Variants in NPPB observed in about 807,000 individuals in gnomAD.
NPPB encodes the protein natriuretic peptides B.
In NPPB, 13 loss-of-function variants were observed where a neutral mutation model predicts 12.7. The observed-to-expected ratio is 1.03, with a 90% CI of 0.67 to 1.63. The LOEUF is 1.63. Among genes scored for constraint, NPPB ranks in the 40% most tolerant of loss-of-function variants. NPPB has a pLI of 0.00. For missense variants in NPPB, 184 were observed against 172.9 expected (o/e 1.06, Z -0.36); for synonymous variants, 66 against 74.7 (o/e 0.88, Z 0.60).
At position 11,858,310 on chromosome 1, in the gene NPPB, G is replaced by A. The variant is rs774489757; in HGVS notation, c.292C>T (p.Leu98=). 7 of 1,613,934 alleles carry A rather than the reference G, an allele frequency of 4.3e-6. No homozygotes were observed. The Admixed American group carries it at 6.7e-5, about 15-fold the overall frequency. ...RGHRKMVLYT[L]RAPRSPKMVQ... ...ATCTTGGGGCTTCGTGGTGCCCGCA[G>A]GGTGTAGAGGACCATTTTGCGGTGC... The change falls in exon 2 of 3, where the codon CTG becomes TTG. Residue 98 remains leucine, a synonymous_variant. Transcript: ENST00000376468.
Position 11,858,480 on chromosome 1 carries a change from T to TG in NPPB, c.133-12dup, listed in dbSNP as rs763562855. The stretch of plus-strand genomic sequence containing the variant: ...ATGGTTGCGCTGCTCCTGCAATGAA[T>TG]GGGGGCGTCCAAGCCTCAGGGACCC... On this transcript the variant is annotated splice_polypyrimidine_tract_variant and intron_variant, in intron 1 of 2. Coordinates refer to ENST00000376468, the MANE Select transcript of NPPB (RefSeq NM_002521.3). 4.5e-5 allele frequency: 69 copies of TG among 1,533,440 alleles called. No homozygotes were observed. Among genetic ancestry groups the TG allele is most frequent in the Non-Finnish European group, 6.0e-5 (69 of 1,141,498 alleles). 95.0% of individuals were successfully genotyped at this position (1,533,440 alleles called of 1,614,324 possible).
At position 11,858,904 on chromosome 1, in the gene NPPB, G is replaced by GT; in HGVS notation, c.-72dup. 1 of 1,608,324 alleles carries GT rather than the reference G, an allele frequency of 6.2e-7. No homozygotes were observed. Among genetic ancestry groups the GT allele is most frequent in the East Asian group, 2.2e-5 (1 of 44,826 alleles). On this transcript the variant is annotated 5_prime_UTR_variant, in exon 1 of 3. Transcript: ENST00000376468. ...GCTGCTGCTGCTGCGATGCGTCCGG[G>GT]TTTGCTTCCCACCTGCCCTCAGCCT...
intron 2 of NPPB, among the ~76,000 whole-genome samples, 191 bp from the exon 3 acceptor site, chr1:11,857,862 C>T (rs1645130697): frequency 6.6e-6 from 1 of 152,166 alleles, no homozygotes; most frequent in African/African-American, 2.4e-5. Flanking sequence ...CTGCTCTCTG[C>T]CTTTGAGACT....
chr1:11,858,827 G>GA lies in NPPB; in HGVS notation c.6dup (p.Pro3SerfsTer160). 1 of 1,614,138 alleles carries GA rather than the reference G, an allele frequency of 6.2e-7. No homozygotes were observed. Among genetic ancestry groups the GA allele is most frequent in the Non-Finnish European group, 8.5e-7 (1 of 1,180,030 alleles). On this transcript the variant is annotated frameshift_variant, in exon 1 of 3. Transcript: ENST00000376468. LOFTEE classifies it high-confidence loss of function. ...AGCGCCCGGGAAGGTGCTGTCTGGG[G>GA]ATCCATGTCTCTGGAGGGACTGCGG...
intron 2 of NPPB, 152 bp from the exon 3 acceptor site, chr1:11,857,823 A>T (rs1047784047): frequency 1.3e-6 from 1 of 777,040 alleles, no homozygotes; most frequent in Non-Finnish European, 2.2e-6. Flanking sequence ...CTCATCTGTA[A>T]ATTGGGGATT....
chr1:11,858,514 G>A (rs777626586), intron 1 of NPPB, 45 bp from the exon 2 acceptor site: 1 of 1,538,844 alleles, frequency 6.5e-7, no homozygotes, highest in Non-Finnish European at 8.7e-7. Flanking sequence ...CCACCCCTGG[G>A]CTCACCAGCC....
Position 11,858,741 on chromosome 1 carries a change from G to A in NPPB, c.93C>T (p.Ser31=). ...TTTCCAAGTCCGAGGCTGAACCGGG[G>A]CTGCCCAGCGGGTGGGAACGACCTC... is the stretch of plus-strand genomic sequence containing the variant. ...FLGGRSHPLG[S]PGSASDLETS... Residue 31 remains serine, a synonymous_variant, in exon 1 of 3, where the codon AGC becomes AGT. Transcript: ENST00000376468. 6.2e-7 allele frequency: 1 copy of A among 1,614,176 alleles called. No homozygotes were observed. Among genetic ancestry groups the A allele is most frequent in the Non-Finnish European group, 8.5e-7 (1 of 1,180,034 alleles).
chr1:11,858,614 A>T (rs1324805470), intron 1 of NPPB, 88 bp downstream of exon 1: 37 of 1,601,748 alleles, frequency 2.3e-5, no homozygotes, highest in Non-Finnish European at 2.6e-5. Context: ...CACTAATTCC[A>T]AAGGAAAGAT....
intron 2 of NPPB, among the ~76,000 whole-genome samples, chr1:11,857,935 T>A (rs1433191436): frequency 6.6e-6 from 1 of 152,168 alleles, no homozygotes; most frequent in African/African-American, 2.4e-5. Context: ...ACTGGGGGGC[T>A]GCCAAATGAT....
rs571539855 is a variant in NPPB at position 11,858,858 on chromosome 1, G to GCTGCTGCTGCTT, written c.-37_-26dup. Reference sequence around the variant, plus strand: ...TGTCTCTGGAGGGACTGCGGAGGCTGCTGCTGCTGCTTCTGCTGCTGCTGC... The same window carrying GCTGCTGCTGCTT: ...TGTCTCTGGAGGGACTGCGGAGGCTGCTGCTGCTGCTTCTGCTGCTGCTTCTGCTGCTGCTGC... On this transcript the variant is annotated 5_prime_UTR_variant, in exon 1 of 3. Coordinates refer to ENST00000376468, the MANE Select transcript of NPPB (RefSeq NM_002521.3). The GCTGCTGCTGCTT allele has an allele frequency of 1.6e-3, 2,606 of 1,609,782 alleles. 25 individuals carry two copies. In the African/African-American group the frequency reaches 0.031, roughly 19 times the overall value.
In NPPB at chr1:11,858,729, G is replaced by T; in HGVS notation, c.105C>A (p.Ala35=). Residue 35 remains alanine (A), a synonymous_variant, in exon 1 of 3, where the codon GCC becomes GCA. Transcript: ENST00000376468. ...GTAACCCGGACGTTTCCAAGTCCGA[G>T]GCTGAACCGGGGCTGCCCAGCGGGT... is the stretch of plus-strand genomic sequence containing the variant. ...RSHPLGSPGS[A]SDLETSGLQE... is the part of the protein sequence containing the mutation. 1 of 1,614,196 alleles carries T rather than the reference G, an allele frequency of 6.2e-7. No individual in the cohort carries two copies. Among genetic ancestry groups the T allele is most frequent in the Non-Finnish European group, 8.5e-7 (1 of 1,180,040 alleles).
chr1:11,858,608 A>C, intron 1 of NPPB, 94 bp downstream of exon 1: 1 of 1,599,612 alleles, frequency 6.3e-7, no homozygotes, highest in Non-Finnish European at 8.5e-7. Context: ...CTTTATCACT[A>C]ATTCCAAAGG....
Position 11,857,469 on chromosome 1 carries a change from C to T in NPPB, c.*186G>A, listed in dbSNP as rs1026574294. The T allele has an allele frequency of 1.6e-5, 10 of 614,182 alleles. No individual in the cohort carries two copies. In the Admixed American group the frequency reaches 2.0e-4, roughly 12 times the overall value. 38.0% of individuals were successfully genotyped at this position (614,182 alleles called of 1,614,324 possible). A position where few individuals can be genotyped will look rare whatever the true frequency, so the allele number is the denominator to read the frequency against. ...GACAAATCAGTTTCAAAAGATAAAG[C>T]TTATAATGTTGACTTTATTTCACCG... On this transcript the variant is annotated 3_prime_UTR_variant, in exon 3 of 3. Transcript: ENST00000376468.
chr1:11,857,945 TAAAC>T (rs1001935289), intron 2 of NPPB, among the ~76,000 whole-genome samples: 5 of 152,176 alleles, frequency 3.3e-5, no homozygotes, highest in Admixed American at 3.3e-4. Flanking sequence ...TGCCAAATGA[TAAAC>T]AGACCCCCAA....
At chr1:11,858,172 CTG>C in intron 2 of NPPB, 40 bp downstream of exon 2, 1 of 1,545,546 alleles carries the variant, frequency 6.5e-7, no homozygotes. Context: ...GTGTCACACA[CTG>C]GAATGGGGGA....
intron 1 of NPPB, 52 bp from the exon 2 acceptor site, chr1:11,858,521 A>T: frequency 6.5e-7 from 1 of 1,540,388 alleles, no homozygotes; most frequent in Non-Finnish European, 8.7e-7. Flanking sequence ...TGGGCTCACC[A>T]GCCCTTCATG....
Position 11,858,854 on chromosome 1 carries a change from G to GGCTGCT in NPPB, c.-27_-22dup, listed in dbSNP as rs750602581. The GGCTGCT allele has an allele frequency of 1.2e-6, 2 of 1,608,916 alleles. No homozygotes were observed. Among genetic ancestry groups the GGCTGCT allele is most frequent in the Admixed American group, 3.3e-5 (2 of 59,832 alleles). Reference sequence around the variant, plus strand: ...TCCATGTCTCTGGAGGGACTGCGGAGGCTGCTGCTGCTGCTTCTGCTGCTG... The same window carrying GGCTGCT: ...TCCATGTCTCTGGAGGGACTGCGGAGGCTGCTGCTGCTGCTGCTGCTTCTGCTGCTG... On this transcript the variant is annotated 5_prime_UTR_variant, in exon 1 of 3. Coordinates refer to ENST00000376468, the MANE Select transcript of NPPB (RefSeq NM_002521.3).
chr1:11,858,847 C>A lies in NPPB; in HGVS notation c.-14G>T. ...CTGGGGATCCATGTCTCTGGAGGGACTGCGGAGGCTGCTGCTGCTGCTTCT... is the reference window on the plus strand; with the variant it reads ...CTGGGGATCCATGTCTCTGGAGGGAATGCGGAGGCTGCTGCTGCTGCTTCT... On this transcript the variant is annotated 5_prime_UTR_variant, in exon 1 of 3. Transcript: ENST00000376468. 1.2e-6 allele frequency: 2 copies of A among 1,612,612 alleles called. No individual in the cohort carries two copies. The highest frequency in any genetic ancestry group is 1.7e-6 in the Non-Finnish European group (2 of 1,179,984).
In NPPB at chr1:11,858,894, A is replaced by T. The variant is rs1240896684; in HGVS notation, c.-61T>A. ...TTCTGCTGCTGCTGCTGCTGCTGCG[A>T]TGCGTCCGGGTTTGCTTCCCACCTG... On this transcript the variant is annotated 5_prime_UTR_variant, in exon 1 of 3. Coordinates refer to ENST00000376468, the MANE Select transcript of NPPB (RefSeq NM_002521.3). 6.3e-7 allele frequency: 1 copy of T among 1,580,502 alleles called. No homozygotes were observed. Among genetic ancestry groups the T allele is most frequent in the Non-Finnish European group, 8.6e-7 (1 of 1,164,364 alleles).
Sources: allele counts gnomAD v4.1 joint callset (sites outside exome capture counted in the v4.1 genomes callset), GRCh38; gene constraint gnomAD v4.1.1; transcripts MANE v1.5; gene names NCBI Gene and HGNC (gene_info 2026-07-23, HGNC 2026-07-21).